The following ATF6B variants were observed in gnomAD, a reference collection of about 807,000 sequenced individuals.
ATF6B encodes cyclic AMP-dependent transcription factor ATF-6 beta.
A neutral mutation model predicts 83.5 loss-of-function variants in ATF6B; 50 were observed. The ratio of observed to expected loss-of-function variants is 0.60; its 90% CI spans 0.48 to 0.76. ATF6B has a LOEUF of 0.76. ATF6B is among the 30% of genes least tolerant of loss of function. The probability of loss-of-function intolerance (pLI) is 0.00; values close to 1 mark genes in which losing one functional copy is unlikely to be tolerated. For missense variants in ATF6B, 790 were observed against 893.8 expected, an observed-to-expected ratio of 0.88 and a Z score of 1.48; for synonymous variants, 344 against 362.8, an observed-to-expected ratio of 0.95 and a Z score of 0.59.
In ATF6B at chr6:32,121,307, C is replaced by T. The variant is rs200008015; in HGVS notation, c.520G>A (p.Val174Ile). Residue 174 changes from valine (V) to isoleucine (I), a missense_variant, in exon 6 of 18, where the codon GTC (valine) becomes ATC (isoleucine). Physicochemically the swap from Val to Ile is conservative, Grantham distance 29. This residue lies in a region of ATF6B where 253 missense variants were observed against 243.1 expected (regional missense o/e 1.04). Transcript: ENST00000375203. ...KIEPVSPCSS[V>I]NSEASLLSAD... ...GAGAGCAGGGAGGCCTCAGAGTTGACGGAAGAACATGGAGAGACAGGTTCT... is the reference window on the plus strand; with the variant it reads ...GAGAGCAGGGAGGCCTCAGAGTTGATGGAAGAACATGGAGAGACAGGTTCT... The T allele has an allele frequency of 1.7e-5, 27 of 1,613,982 alleles. No homozygotes were observed. Among genetic ancestry groups the T allele is most frequent in the Admixed American group, 3.3e-5 (2 of 60,010 alleles).
At position 32,126,387 on chromosome 6, in the gene ATF6B, G is replaced by A. The variant is rs1781982414; in HGVS notation, c.343-135C>T. 1.2e-5 allele frequency: 13 copies of A among 1,077,240 alleles called. No homozygotes were observed. In the South Asian group the frequency reaches 2.0e-4, roughly 17 times the overall value. 66.7% of individuals were successfully genotyped at this position (1,077,240 alleles called of 1,614,324 possible). On this transcript the variant is annotated intron_variant, in intron 4 of 17. Transcript: ENST00000375203. ...CATCAATTATTTGACATTCTGGTCT[G>A]AATGGTACTGACCATCTTTCTAACC...
chr6:32,121,237 G>GAGGA (rs774109246), intron 6 of ATF6B, 26 bp downstream of exon 6: 2 of 1,612,888 alleles, frequency 1.2e-6, no homozygotes, highest in Non-Finnish European at 1.7e-6. Flanking sequence ...GGAAAACCTG[G>GAGGA]AGGAAGGAAG....
chr6:32,120,464 T>C, intron 8 of ATF6B: 1 of 187,460 alleles, frequency 5.3e-6, no homozygotes, highest in Non-Finnish European at 1.1e-5. Flanking sequence ...CTTTTTTTTT[T>C]TTTTGAGACA....
Position 32,115,712 on chromosome 6 carries a change from G to C in ATF6B, c.*27C>G. On this transcript the variant is annotated 3_prime_UTR_variant, in exon 18 of 18. Coordinates refer to ENST00000375203, the MANE Select transcript of ATF6B (RefSeq NM_004381.5). ...TGGCCACCTGGTACCCCCTCCCCCC[G>C]TTCTAAGTCAGTGTGAATGGCAGAG... is the stretch of plus-strand genomic sequence containing the variant. 1 of 1,549,492 alleles carries C rather than the reference G, an allele frequency of 6.5e-7. No individual in the cohort carries two copies. The highest frequency in any genetic ancestry group is 8.8e-7 in the Non-Finnish European group (1 of 1,142,108).
rs1300757185 is a variant in ATF6B at position 32,115,481 on chromosome 6, C to T, written c.*258G>A. On this transcript the variant is annotated 3_prime_UTR_variant, in exon 18 of 18. Transcript: ENST00000375203. ...AAATATGCAGCAGCTCACCACCCAC[C>T]CCACAACTGAACCTCACACAATCCC... is the stretch of plus-strand genomic sequence containing the variant. 2 of 414,686 alleles carry T rather than the reference C, an allele frequency of 4.8e-6. No individual in the cohort carries two copies. Among genetic ancestry groups the T allele is most frequent in the Non-Finnish European group, 8.5e-6 (2 of 236,342 alleles). 25.7% of individuals were successfully genotyped at this position (414,686 alleles called of 1,614,324 possible). A position where few individuals can be genotyped will look rare whatever the true frequency, so the allele number is the denominator to read the frequency against.
Position 32,119,023 on chromosome 6 carries a change from G to C in ATF6B, c.1085C>G (p.Ala362Gly). The C allele has an allele frequency of 6.2e-7, 1 of 1,614,172 alleles. No individual in the cohort carries two copies. The highest frequency in any genetic ancestry group is 8.5e-7 in the Non-Finnish European group (1 of 1,180,024). ...CTCTCGGCGGAGCTGCTGGTTGTCA[G>C]CCAGTACTGCTTGCAGCCGAGCCTC... ...GLEARLQAVL[A>G]DNQQLRRENA... The change falls in exon 10 of 18, where the codon GCT becomes GGT. Residue 362 changes from alanine to glycine, a missense_variant. Coordinates refer to ENST00000375203, the MANE Select transcript of ATF6B (RefSeq NM_004381.5). This position sits in a 1 kb window ranked among gnomAD's most constrained non-coding sequence, Gnocchi z 4.9.
In ATF6B at chr6:32,119,414, G is replaced by A. The variant is rs1582523562; in HGVS notation, c.967-273C>T. On this transcript the variant is annotated intron_variant, in intron 9 of 17. Transcript: ENST00000375203. This position sits in a 1 kb window ranked among gnomAD's most constrained non-coding sequence, Gnocchi z 4.9. ...CATGCTGGTGGAAACTCTTTCCTTC[G>A]TAACTCTTTCTTCCTGTCAGCCCAC... 1.3e-5 allele frequency among the ~76,000 whole-genome samples: 2 copies of A among 152,116 alleles called. No homozygotes were observed. The highest frequency in any genetic ancestry group is 2.9e-5 in the Non-Finnish European group (2 of 68,006).
Position 32,119,875 on chromosome 6 carries a change from C to T in ATF6B, c.915G>A (p.Lys305=). ...CAGGCATAGGAGCGGGAACGATGCT[C>T]TTCCTCTCAGGCCGTGGTAGAGAGG... ...PAPSLPRPER[K]SIVPAPMPGN... is the part of the protein sequence containing the mutation. Residue 305 remains lysine, a synonymous_variant, in exon 9 of 18, where the codon AAG becomes AAA. Transcript: ENST00000375203. The surrounding 1 kb of genome is among the most constrained non-coding windows in gnomAD (Gnocchi z 4.9). 1 of 1,614,156 alleles carries T rather than the reference C, an allele frequency of 6.2e-7. No homozygotes were observed. Among genetic ancestry groups the T allele is most frequent in the Middle Eastern group, 1.6e-4 (1 of 6,062 alleles).
At position 32,121,294 on chromosome 6, in the gene ATF6B, G is replaced by C; in HGVS notation, c.533C>G (p.Ala178Gly). 1 of 1,614,092 alleles carries C rather than the reference G, an allele frequency of 6.2e-7. No individual in the cohort carries two copies. Among genetic ancestry groups the C allele is most frequent in the Non-Finnish European group, 8.5e-7 (1 of 1,180,014 alleles). The change falls in exon 6 of 18, where the codon GCC becomes GGC. Residue 178 changes from alanine to glycine, a missense_variant. By Grantham distance (60) the Ala-to-Gly change is moderately conservative. This residue lies in a region of ATF6B where 253 missense variants were observed against 243.1 expected (regional missense o/e 1.04). Coordinates refer to ENST00000375203, the MANE Select transcript of ATF6B (RefSeq NM_004381.5). The part of the protein sequence containing the change: ...VSPCSSVNSE[A>G]SLLSADSSSQ... Reference sequence around the variant, plus strand: ...GGAGGAGTCGGCTGAGAGCAGGGAGGCCTCAGAGTTGACGGAAGAACATGG... The same window carrying C: ...GGAGGAGTCGGCTGAGAGCAGGGAGCCCTCAGAGTTGACGGAAGAACATGG...
Position 32,119,270 on chromosome 6 carries a change from T to G in ATF6B, c.967-129A>C. The stretch of plus-strand genomic sequence containing the variant: ...CCCCTGCCTTCCTGACCCACCTACA[T>G]AGCCAGAGAGGTTTTTCCTCTCTAC... On this transcript the variant is annotated intron_variant, in intron 9 of 17. Transcript: ENST00000375203. This position sits in a 1 kb window ranked among gnomAD's most constrained non-coding sequence, Gnocchi z 4.9. 9.0e-7 allele frequency: 1 copy of G among 1,117,272 alleles called. No homozygotes were observed. The highest frequency in any genetic ancestry group is 1.2e-6 in the Non-Finnish European group (1 of 807,876). 69.2% of individuals were successfully genotyped at this position (1,117,272 alleles called of 1,614,324 possible). A position where few individuals can be genotyped will look rare whatever the true frequency, so the allele number is the denominator to read the frequency against.
At position 32,118,644 on chromosome 6, in the gene ATF6B, T is replaced by C; in HGVS notation, c.1244+131A>G. Reference sequence around the variant, plus strand: ...AGCAGGAAGGGGCTGGCCAGACACATCATCGGTGCCAAGGACACCAGAACC... The same window carrying C: ...AGCAGGAAGGGGCTGGCCAGACACACCATCGGTGCCAAGGACACCAGAACC... On this transcript the variant is annotated intron_variant, in intron 11 of 17. Coordinates refer to ENST00000375203, the MANE Select transcript of ATF6B (RefSeq NM_004381.5). The surrounding 1 kb of genome is among the most constrained non-coding windows in gnomAD (Gnocchi z 5.2). 3.5e-6 allele frequency: 3 copies of C among 858,220 alleles called. No homozygotes were observed. Among genetic ancestry groups the C allele is most frequent in the South Asian group, 3.1e-5 (2 of 64,678 alleles). 53.2% of individuals were successfully genotyped at this position (858,220 alleles called of 1,614,324 possible).
chr6:32,127,994 G>A, intron 1 of ATF6B, 123 bp downstream of exon 1: 1 of 1,214,472 alleles, frequency 8.2e-7, no homozygotes, highest in Non-Finnish European at 1.2e-6. Flanking sequence ...CGAGCCCCCT[G>A]CTCCGCTCTC....
intron 1 of ATF6B, 25 bp from the exon 2 acceptor site, chr6:32,127,775 G>C: frequency 6.2e-7 from 1 of 1,612,558 alleles, no homozygotes; most frequent in Non-Finnish European, 8.5e-7. Flanking sequence ...GAGCGTCGGG[G>C]GGTCGTTCGG....
Position 32,119,275 on chromosome 6 carries a change from A to G in ATF6B, c.967-134T>C. The G allele has an allele frequency of 2.7e-6, 3 of 1,097,188 alleles. No individual in the cohort carries two copies. Among genetic ancestry groups the G allele is most frequent in the Non-Finnish European group, 3.8e-6 (3 of 791,110 alleles). 68.0% of individuals were successfully genotyped at this position (1,097,188 alleles called of 1,614,324 possible). A position where few individuals can be genotyped will look rare whatever the true frequency, so the allele number is the denominator to read the frequency against. ...GCCTTCCTGACCCACCTACATAGCC[A>G]GAGAGGTTTTTCCTCTCTACTCAAA... On this transcript the variant is annotated intron_variant, in intron 9 of 17. Coordinates refer to ENST00000375203, the MANE Select transcript of ATF6B (RefSeq NM_004381.5). This position sits in a 1 kb window ranked among gnomAD's most constrained non-coding sequence, Gnocchi z 4.9.
At position 32,117,213 on chromosome 6, in the gene ATF6B, T is replaced by C. The variant is rs1415176150; in HGVS notation, c.1615-106A>G. 2 of 1,535,578 alleles carry C rather than the reference T, an allele frequency of 1.3e-6. No individual in the cohort carries two copies. Among genetic ancestry groups the C allele is most frequent in the Admixed American group, 3.7e-5 (2 of 53,762 alleles). ...ACCTCCCACTCAACCCTCCACTTCC[T>C]TCAAACGATCCCTCAAACTTCCACA... is the stretch of plus-strand genomic sequence containing the variant. On this transcript the variant is annotated intron_variant, in intron 14 of 17. Transcript: ENST00000375203. This position sits in a 1 kb window ranked among gnomAD's most constrained non-coding sequence, Gnocchi z 5.0.
In ATF6B at chr6:32,118,674, GTA is replaced by G; in HGVS notation, c.1244+99_1244+100del. ...GGTGCCAAGGACACCAGAACCATTTGTATATAAGCAGAAGGAAATGGCCTGGG... is the reference window on the plus strand; with the variant it reads ...GGTGCCAAGGACACCAGAACCATTTGTATAAGCAGAAGGAAATGGCCTGGG... On this transcript the variant is annotated intron_variant, in intron 11 of 17. Coordinates refer to ENST00000375203, the MANE Select transcript of ATF6B (RefSeq NM_004381.5). The surrounding 1 kb of genome is among the most constrained non-coding windows in gnomAD (Gnocchi z 5.2). 1 of 1,178,436 alleles carries G rather than the reference GTA, an allele frequency of 8.5e-7. No individual in the cohort carries two copies. The allele number at this position is 1,178,436 out of a possible 1,614,324, so 73.0% of individuals were successfully genotyped here.
At position 32,117,799 on chromosome 6, in the gene ATF6B, G is replaced by A; in HGVS notation, c.1424+60C>T. The stretch of plus-strand genomic sequence containing the variant: ...AAGCTTTGGGTCCCCCTCACTGAAA[G>A]CGGGGAGAAGACCAACTCATACCCT... On this transcript the variant is annotated intron_variant, in intron 12 of 17. Coordinates refer to ENST00000375203, the MANE Select transcript of ATF6B (RefSeq NM_004381.5). The surrounding 1 kb of genome is among the most constrained non-coding windows in gnomAD (Gnocchi z 5.0). 1 of 1,565,390 alleles carries A rather than the reference G, an allele frequency of 6.4e-7. No individual in the cohort carries two copies. Among genetic ancestry groups the A allele is most frequent in the East Asian group, 2.3e-5 (1 of 43,896 alleles).
chr6:32,118,883 G>A lies in ATF6B; in HGVS notation c.1153-17C>T, dbSNP rs1175409305. Reference sequence around the variant, plus strand: ...CTCGCTGTTCTAAGGTACAAAGAAGGAGACAAGAAAAAGGGGAATCATTCC... The same window carrying A: ...CTCGCTGTTCTAAGGTACAAAGAAGAAGACAAGAAAAAGGGGAATCATTCC... On this transcript the variant is annotated splice_polypyrimidine_tract_variant and intron_variant, in intron 10 of 17. Transcript: ENST00000375203. This position sits in a 1 kb window ranked among gnomAD's most constrained non-coding sequence, Gnocchi z 5.2. 1.9e-5 allele frequency: 30 copies of A among 1,614,096 alleles called. No individual in the cohort carries two copies. The highest frequency in any genetic ancestry group is 2.4e-5 in the Non-Finnish European group (28 of 1,180,034).
Position 32,115,789 on chromosome 6 carries a change from T to C in ATF6B, c.2062A>G (p.Ser688Gly). Reference sequence around the variant, plus strand: ...TGGTGGGAGGCCTGGTGGGCCTGGCTGGCTGCAGAGACTGGCAAGGGGCCA... The same window carrying C: ...TGGTGGGAGGCCTGGTGGGCCTGGCCGGCTGCAGAGACTGGCAAGGGGCCA... ...TGGPLPVSAA[S>G]QAHQASHQPL... The change falls in exon 18 of 18, where the codon AGC (serine) becomes GGC (glycine). Residue 688 changes from serine (S) to glycine (G), a missense_variant. Ser to Gly is a moderately conservative substitution (Grantham distance 56, BLOSUM62 0). Around this residue, in one of 3 missense-constraint regions of ATF6B, gnomAD observed 530 missense variants for 632.6 expected, o/e 0.84. Transcript: ENST00000375203. 1 of 1,612,844 alleles carries C rather than the reference T, an allele frequency of 6.2e-7. No homozygotes were observed.
Sources: allele counts gnomAD v4.1 joint callset (sites outside exome capture counted in the v4.1 genomes callset), GRCh38; gene constraint gnomAD v4.1.1; regional missense constraint gnomAD v4.1.1; non-coding constraint Gnocchi (gnomAD v3.1); transcripts MANE v1.5; gene names NCBI Gene and HGNC (gene_info 2026-07-23, HGNC 2026-07-21).